COL6A6: variants seen among roughly 807,000 people sequenced by gnomAD.
The protein encoded by COL6A6 is collagen alpha-6(VI) chain.
Under a neutral mutation model 208.6 loss-of-function variants are expected in COL6A6, and 183 were observed. The ratio of observed to expected loss-of-function variants is 0.88; its 90% CI spans 0.78 to 0.99. COL6A6 has a LOEUF of 0.99. COL6A6 is among the 50% of genes least tolerant of loss of function. The pLI, the probability that COL6A6 is intolerant of heterozygous loss-of-function variation, is 0.00. For synonymous variants in COL6A6, 973 were observed against 1,011.8 expected, an observed-to-expected ratio of 0.96 and a Z score of 0.73; for missense variants, 2,816 against 2,815.2, an observed-to-expected ratio of 1.00 and a Z score of -0.01.
At chr3:130,523,071 T>C (rs7644834) in intron 1 of COL6A6, among the ~76,000 whole-genome samples, 29,094 of 151,776 alleles carry the variant, frequency 0.19, 3,671 homozygotes, top group African/African-American at 0.36. Flanking sequence ...ACCTTAACTG[T>C]GTCTTCTGCA....
chr3:130,633,916 G>A (rs1336865314), intron 26 of COL6A6, among the ~76,000 whole-genome samples: 1 of 36,540 alleles, frequency 2.7e-5, no homozygotes, highest in Non-Finnish European at 3.8e-5. Flanking sequence ...GTCGGGGGAG[G>A]GGGGAGGGAT....
At chr3:130,517,140 G>A (rs1710777549), upstream of COL6A6, among the ~76,000 whole-genome samples, 1 of 152,218 alleles carries the variant, frequency 6.6e-6, no homozygotes, top group East Asian at 1.9e-4. Context: ...CCGGGGCGGG[G>A]AGAAGCGTTT....
chr3:130,613,121 A>T (rs2064410860), intron 23 of COL6A6, among the ~76,000 whole-genome samples: 1 of 152,118 alleles, frequency 6.6e-6, no homozygotes, highest in Non-Finnish European at 1.5e-5. Flanking sequence ...TTCCTAGGTT[A>T]TCCTCCAGGG....
chr3:130,649,171 C>T lies in COL6A6; in HGVS notation c.5342C>T (p.Ala1781Val), dbSNP rs764149494. ...QEFERMKEMM[A>V]FLVRDIKVRE... is the part of the protein sequence containing the mutation. The stretch of plus-strand genomic sequence containing the variant: ...TTTGAGCGGATGAAGGAGATGATGG[C>T]TTTCCTGGTGAGAGACATTAAGGTC... The change falls in exon 33 of 37, where the codon GCT (alanine) becomes GTT (valine). Residue 1781 changes from alanine (A) to valine (V), a missense_variant. Physicochemically the swap from Ala to Val is moderately conservative, Grantham distance 64. Coordinates refer to ENST00000358511, the MANE Select transcript of COL6A6 (RefSeq NM_001102608.3). The T allele has an allele frequency of 2.5e-6, 4 of 1,595,212 alleles. No homozygotes were observed. Among genetic ancestry groups the T allele is most frequent in the African/African-American group, 1.3e-5 (1 of 74,560 alleles).
rs200368776 is a variant in COL6A6 at position 130,571,037 on chromosome 3, C to T, written c.2621C>T (p.Ser874Leu). 7 of 1,613,862 alleles carry T rather than the reference C, an allele frequency of 4.3e-6. No individual in the cohort carries two copies. In the East Asian group the frequency reaches 8.9e-5, roughly 21 times the overall value. The change falls in exon 7 of 37, where the codon TCA becomes TTA. Residue 874 changes from serine to leucine, a missense_variant. Coordinates refer to ENST00000358511, the MANE Select transcript of COL6A6 (RefSeq NM_001102608.3). ...TTTGGCACAAAACTGGAGGTAATTT[C>T]AGTGCTCCAGAATGACCAAGCCATG... Reference protein sequence around the residue: ...DDFGTKLEVISVLQNDQAMGG... With the variant: ...DDFGTKLEVILVLQNDQAMGG...
At chr3:130,664,138 T>C (rs1040823767) in intron 35 of COL6A6, among the ~76,000 whole-genome samples, 7 of 152,158 alleles carry the variant, frequency 4.6e-5, no homozygotes, top group African/African-American at 1.4e-4. Context: ...ATAATAGAGT[T>C]GACTATCAAG....
At chr3:130,617,018 C>T (rs1403634916) in intron 23 of COL6A6, among the ~76,000 whole-genome samples, 1 of 152,066 alleles carries the variant, frequency 6.6e-6, no homozygotes, top group East Asian at 1.9e-4. Context: ...TCAGTATTAC[C>T]TAATTTAATG....
intron 10 of COL6A6, among the ~76,000 whole-genome samples, chr3:130,584,277 T>C (rs963179262): frequency 6.6e-6 from 1 of 152,208 alleles, no homozygotes. Flanking sequence ...CTGGTTCTTA[T>C]GACTCTTAAA....
At chr3:130,582,089 G>T in intron 10 of COL6A6, 21 bp downstream of exon 10, 1 of 1,423,676 alleles carries the variant, frequency 7.0e-7, no homozygotes. Context: ...TGGAGAAGTG[G>T]GAAGGGAGTG....
chr3:130,531,061 G>GTCTCTCTC (rs10662894), intron 1 of COL6A6, among the ~76,000 whole-genome samples: 4 of 136,582 alleles, frequency 2.9e-5, no homozygotes, highest in African/African-American at 1.2e-4. Context: ...CACACACACA[G>GTCTCTCTC]TCTCTCTCTC....
intron 4 of COL6A6, 119 bp from the exon 5 acceptor site, chr3:130,566,583 A>G: frequency 2.6e-6 from 2 of 768,096 alleles, no homozygotes; most frequent in Non-Finnish European, 4.1e-6. Context: ...TTTTAAGCCT[A>G]GAAGCTGTTT....
At chr3:130,571,584 C>T (rs536611886) in intron 7 of COL6A6, among the ~76,000 whole-genome samples, 191 bp downstream of exon 7, 1 of 152,248 alleles carries the variant, frequency 6.6e-6, no homozygotes, top group Admixed American at 6.5e-5. Flanking sequence ...AGACTTCTCC[C>T]CAAAGAGAGA....
chr3:130,639,215 T>G (rs965209841), intron 28 of COL6A6, among the ~76,000 whole-genome samples: 1 of 151,438 alleles, frequency 6.6e-6, no homozygotes, highest in Non-Finnish European at 1.5e-5. Flanking sequence ...AATGTTCCTT[T>G]TTATAGCATA....
intron 1 of COL6A6, among the ~76,000 whole-genome samples, chr3:130,523,273 G>T (rs757209837): frequency 3.9e-5 from 6 of 152,082 alleles, no homozygotes; most frequent in Non-Finnish European, 5.9e-5. Flanking sequence ...TTGAGAAAAA[G>T]CATTACTGGA....
intron 28 of COL6A6, among the ~76,000 whole-genome samples, chr3:130,641,332 T>C (rs972100005): frequency 6.6e-6 from 1 of 152,032 alleles, no homozygotes; most frequent in South Asian, 2.1e-4. Flanking sequence ...TAACTGAAAA[T>C]GTCCAGAGAT....
At chr3:130,542,063 TGGCTAAA>T (rs2062376318) in intron 1 of COL6A6, among the ~76,000 whole-genome samples, 1 of 152,040 alleles carries the variant, frequency 6.6e-6, no homozygotes, top group Non-Finnish European at 1.5e-5. Flanking sequence ...TTAGTTAGCC[TGGCTAAA>T]GGCTTATCAA....
chr3:130,537,188 G>A (rs958717863), intron 1 of COL6A6, among the ~76,000 whole-genome samples: 4 of 152,194 alleles, frequency 2.6e-5, no homozygotes, highest in Non-Finnish European at 4.4e-5. Context: ...AACACAGTTA[G>A]GGACACTACA....
chr3:130,564,598 T>G (rs769719674), intron 3 of COL6A6, among the ~76,000 whole-genome samples: 1 of 152,262 alleles, frequency 6.6e-6, no homozygotes, highest in Non-Finnish European at 1.5e-5. Flanking sequence ...AATTGCTATT[T>G]CGTTACTATC....
In COL6A6 at chr3:130,661,550, T is replaced by C. The variant is rs1249379346; in HGVS notation, c.5831-87T>C. 7 of 1,014,080 alleles carry C rather than the reference T, an allele frequency of 6.9e-6. No homozygotes were observed. In the African/African-American group the frequency reaches 1.1e-4, roughly 16 times the overall value. 62.8% of individuals were successfully genotyped at this position (1,014,080 alleles called of 1,614,324 possible). A position where few individuals can be genotyped will look rare whatever the true frequency, so the allele number is the denominator to read the frequency against. ...GTCACTATTTTAACATCAAAGACTATGCAGTTTCCAAATGTCAAAATATTT... is the reference window on the plus strand; with the variant it reads ...GTCACTATTTTAACATCAAAGACTACGCAGTTTCCAAATGTCAAAATATTT... On this transcript the variant is annotated intron_variant, in intron 34 of 36. Coordinates refer to ENST00000358511, the MANE Select transcript of COL6A6 (RefSeq NM_001102608.3).
Sources: allele counts gnomAD v4.1 joint callset (sites outside exome capture counted in the v4.1 genomes callset), GRCh38; gene constraint gnomAD v4.1.1; transcripts MANE v1.5; gene names NCBI Gene and HGNC (gene_info 2026-07-23, HGNC 2026-07-21).